Variants in ZNF124 observed in about 807,000 individuals in gnomAD.
ZNF124 encodes the protein zinc finger protein HZF-16.
A neutral mutation model predicts 26.6 loss-of-function variants in ZNF124; 25 were observed. The ratio of observed to expected loss-of-function variants is 0.94; its 90% CI spans 0.68 to 1.31. The LOEUF (loss-of-function observed/expected upper bound fraction) is 1.31. ZNF124 is among the 40% of genes most tolerant of loss of function. ZNF124 has a pLI of 0.00. For synonymous variants in ZNF124, 129 were observed against 133.3 expected (o/e 0.97, Z 0.22); for missense variants, 444 against 422.2 (o/e 1.05, Z -0.45).
intron 3 of ZNF124, among the ~76,000 whole-genome samples, chr1:247,137,507 A>AAAAG (rs1558374449): frequency 6.9e-5 from 10 of 144,032 alleles, no homozygotes; most frequent in Non-Finnish European, 1.2e-4. Context: ...AAAAAAAAAA[A>AAAAG]AAAGAAAGAA....
chr1:247,143,150 T>TTA (rs1233101918), intron 3 of ZNF124, among the ~76,000 whole-genome samples: 1 of 152,148 alleles, frequency 6.6e-6, no homozygotes, highest in Non-Finnish European at 1.5e-5. Flanking sequence ...GGATAGCAGT[T>TTA]TATAATTCCA....
chr1:247,134,439 A>G (rs1020844378), intron 3 of ZNF124, among the ~76,000 whole-genome samples: 2 of 152,224 alleles, frequency 1.3e-5, no homozygotes, highest in Admixed American at 6.5e-5. Context: ...AGCAAAAAAA[A>G]GGCAGGGATT....
chr1:247,139,142 C>A (rs1672562322), intron 3 of ZNF124, among the ~76,000 whole-genome samples: 1 of 152,212 alleles, frequency 6.6e-6, no homozygotes, highest in Non-Finnish European at 1.5e-5. Context: ...GCTCCGATCA[C>A]CCTGGGCACA....
At chr1:247,157,484 G>C (rs1296652776) in intron 3 of ZNF124, 81 bp from the exon 4 acceptor site, 1 of 1,400,664 alleles carries the variant, frequency 7.1e-7, no homozygotes, top group Admixed American at 2.0e-5. Context: ...GAATTTTTTT[G>C]TTCAGATTAA....
downstream of ZNF124, among the ~76,000 whole-genome samples, chr1:247,153,305 A>G (rs1673000313): frequency 6.6e-6 from 1 of 152,094 alleles, no homozygotes; most frequent in Admixed American, 6.5e-5. Flanking sequence ...GCAGCCATGT[A>G]GTAACTTTCT....
chr1:247,130,213 A>C (rs1672304804), intron 3 of ZNF124, among the ~76,000 whole-genome samples: 1 of 152,240 alleles, frequency 6.6e-6, no homozygotes, highest in African/African-American at 2.4e-5. Context: ...ATATCAGAAA[A>C]ATATTAGATA....
At chr1:247,142,271 C>A (rs751621338) in intron 3 of ZNF124, among the ~76,000 whole-genome samples, 2 of 152,146 alleles carry the variant, frequency 1.3e-5, no homozygotes, top group Non-Finnish European at 2.9e-5. Context: ...CAACTTTAGA[C>A]ACACCATGTT....
downstream of ZNF124, among the ~76,000 whole-genome samples, chr1:247,152,977 C>T (rs1442999201): frequency 6.6e-6 from 1 of 151,946 alleles, no homozygotes; most frequent in African/African-American, 2.4e-5. Context: ...ACTAAAAATA[C>T]AAAAAATTAG....
At chr1:247,130,664 G>A (rs949323587) in intron 3 of ZNF124, among the ~76,000 whole-genome samples, 1 of 152,198 alleles carries the variant, frequency 6.6e-6, no homozygotes, top group Non-Finnish European at 1.5e-5. Context: ...GAATACTTCT[G>A]CTTTCCCTGT....
intron 3 of ZNF124, among the ~76,000 whole-genome samples, chr1:247,135,050 G>A (rs1312364183): frequency 1.3e-5 from 2 of 152,174 alleles, no homozygotes; most frequent in Non-Finnish European, 2.9e-5. Flanking sequence ...TGAAACCAAT[G>A]AGAACAAAGA....
intron 3 of ZNF124, among the ~76,000 whole-genome samples, chr1:247,158,312 G>A (rs1673271779): frequency 6.6e-6 from 1 of 151,924 alleles, no homozygotes; most frequent in Non-Finnish European, 1.5e-5. Flanking sequence ...TCTCTCTCTT[G>A]CTCCTTCTCT....
At chr1:247,161,714 C>A (rs1673493436) in intron 1 of ZNF124, among the ~76,000 whole-genome samples, 1 of 151,824 alleles carries the variant, frequency 6.6e-6, no homozygotes, top group Non-Finnish European at 1.5e-5. Context: ...GAAAGAGATC[C>A]ATTTTCTTGG....
intron 2 of ZNF124, 40 bp from the exon 3 acceptor site, chr1:247,159,106 A>G: frequency 6.4e-7 from 1 of 1,573,384 alleles, no homozygotes; most frequent in Non-Finnish European, 8.7e-7. Context: ...AATTATTTGA[A>G]ATTATAGAAA....
intron 3 of ZNF124, among the ~76,000 whole-genome samples, chr1:247,130,628 T>A (rs1396180827): frequency 1.3e-5 from 2 of 152,226 alleles, no homozygotes; most frequent in African/African-American, 2.4e-5. Flanking sequence ...TGTAAATAAT[T>A]ACATGACTTG....
chr1:247,160,264 G>A (rs967359944), intron 1 of ZNF124, among the ~76,000 whole-genome samples: 32 of 152,190 alleles, frequency 2.1e-4, no homozygotes, highest in Admixed American at 2.0e-3. Context: ...GATAACAGGC[G>A]TGAGCCACCG....
At chr1:247,143,953 C>T (rs946659171) in intron 3 of ZNF124, among the ~76,000 whole-genome samples, 1 of 131,976 alleles carries the variant, frequency 7.6e-6, no homozygotes, top group Non-Finnish European at 1.6e-5. Flanking sequence ...AATAAAACTC[C>T]ACATCCACAT....
At chr1:247,123,500 GAGCCGTTTTTTGTTAATAGCTTT>G (rs1175093515) in exon 4 of ZNF124, 4 of 191,264 alleles carry the variant, frequency 2.1e-5, no homozygotes, top group Non-Finnish European at 4.3e-5. Context: ...CGGCCTACGT[GAGCCGTTTTTTGTTAATAGCTTT>G]ATTGGGATCA....
At chr1:247,124,995 C>T (rs927702687) in intron 3 of ZNF124, among the ~76,000 whole-genome samples, 4 of 151,904 alleles carry the variant, frequency 2.6e-5, no homozygotes, top group African/African-American at 9.7e-5. Flanking sequence ...TTAGTACAGA[C>T]GAGCTCTCAT....
At chr1:247,159,546 A>G in intron 2 of ZNF124, 141 bp downstream of exon 2, 1 of 775,560 alleles carries the variant, frequency 1.3e-6, no homozygotes, top group Admixed American at 3.1e-5. Flanking sequence ...ACTAAGAAAC[A>G]AGAGTCATTG....
Sources: gnomAD v4.1 joint callset for allele counts (sites outside exome capture counted in the v4.1 genomes callset) on GRCh38, gnomAD v4.1.1 for gene constraint, MANE v1.5 for transcripts, NCBI Gene and HGNC (gene_info 2026-07-23, HGNC 2026-07-21) for gene names.